Variants in MTUS2 observed in about 807,000 individuals in gnomAD.
The protein encoded by MTUS2 is microtubule-associated tumor suppressor candidate 2.
Under a neutral mutation model 114.1 loss-of-function variants are expected in MTUS2, and 40 were observed. The observed-to-expected ratio is 0.35, with a 90% CI of 0.27 to 0.46. MTUS2 has a LOEUF of 0.46. Ranked by LOEUF, MTUS2 falls within the 20% of genes least tolerant of loss-of-function variation. The probability of loss-of-function intolerance (pLI) is 1.00; values close to 1 mark genes in which losing one functional copy is unlikely to be tolerated. For missense variants in MTUS2, 1,679 were observed against 1,705.4 expected (o/e 0.98, Z 0.27); for synonymous variants, 688 against 672.0 (o/e 1.02, Z -0.37).
intron 2 of MTUS2, among the ~76,000 whole-genome samples, chr13:28,859,674 A>T (rs1277778365): frequency 6.6e-6 from 1 of 152,228 alleles, no homozygotes; most frequent in Non-Finnish European, 1.5e-5. Flanking sequence ...TAACTTATGC[A>T]GGATGATGGG....
chr13:28,998,424 T>C (rs945206863), intron 2 of MTUS2, among the ~76,000 whole-genome samples: 9 of 152,324 alleles, frequency 5.9e-5, no homozygotes, highest in Middle Eastern at 3.4e-3. Context: ...TTTCCCGAAT[T>C]TGAATATTGG....
intron 2 of MTUS2, among the ~76,000 whole-genome samples, chr13:28,929,503 A>G (rs2138083125): frequency 6.6e-6 from 1 of 152,296 alleles, no homozygotes; most frequent in Non-Finnish European, 1.5e-5. Flanking sequence ...AAGGCCTGAA[A>G]CTTGATATTT....
At chr13:29,331,763 C>A (rs1367301918) in intron 7 of MTUS2, among the ~76,000 whole-genome samples, 4 of 152,102 alleles carry the variant, frequency 2.6e-5, no homozygotes, top group African/African-American at 9.7e-5. Flanking sequence ...GAGTTTTTAG[C>A]ATGAAGCACT....
chr13:29,137,175 A>C (rs1892014353), intron 5 of MTUS2, among the ~76,000 whole-genome samples: 1 of 152,082 alleles, frequency 6.6e-6, no homozygotes, highest in South Asian at 2.1e-4. Flanking sequence ...GACTATATCA[A>C]CCCACTGCCT....
intron 5 of MTUS2, among the ~76,000 whole-genome samples, chr13:29,196,875 C>T (rs1241915989): frequency 1.3e-5 from 2 of 152,178 alleles, no homozygotes; most frequent in African/African-American, 4.8e-5. Flanking sequence ...GTTGCTTTCA[C>T]ATCTTGGCTA....
rs998231682 is a variant in MTUS2, at chr13:29,480,418, G to A, written c.3399+54G>A. ...CTGTTGGGTGATGCAGGTGGCGGGC[G>A]GCGGGGATCCAGTGCCACATTAGCA... On this transcript the variant is annotated intron_variant, in intron 10 of 15. Coordinates refer to ENST00000612955, the MANE Select transcript of MTUS2 (RefSeq NM_001033602.4). The surrounding 1 kb of genome is among the most constrained non-coding windows in gnomAD (Gnocchi z 4.4). 43 of 1,459,090 alleles carry A rather than the reference G, an allele frequency of 2.9e-5. No homozygotes were observed. The Admixed American group carries it at 5.0e-4, about 17-fold the overall frequency. The allele number at this position is 1,459,090 out of a possible 1,614,324, so 90.4% of individuals were successfully genotyped here.
intron 4 of MTUS2, among the ~76,000 whole-genome samples, chr13:29,047,014 C>T (rs1169796100): frequency 1.3e-5 from 2 of 152,198 alleles, no homozygotes; most frequent in Admixed American, 6.5e-5. Context: ...GGCTCTCGTG[C>T]CCCCTTGTTC....
chr13:29,454,355 C>T (rs1050429432), intron 9 of MTUS2, among the ~76,000 whole-genome samples: 2 of 152,262 alleles, frequency 1.3e-5, no homozygotes, highest in South Asian at 4.2e-4. Flanking sequence ...TAAGTGCAGG[C>T]GCTTACCTTA....
At chr13:29,250,348 C>CT (rs1897079568) in intron 5 of MTUS2, 2 of 151,984 alleles carry the variant, frequency 1.3e-5, no homozygotes, top group Non-Finnish European at 2.9e-5. Flanking sequence ...TATCAGCATG[C>CT]CATCTTAATG....
chr13:28,852,905 A>ATACATACG (rs1256108040), intron 2 of MTUS2, among the ~76,000 whole-genome samples: 2 of 148,522 alleles, frequency 1.3e-5, no homozygotes, highest in African/African-American at 5.0e-5. Flanking sequence ...TCTTAAATAC[A>ATACATACG]TACATACATA....
intron 7 of MTUS2, among the ~76,000 whole-genome samples, chr13:29,340,318 T>C (rs149722286): frequency 2.8e-4 from 43 of 152,348 alleles, no homozygotes; most frequent in African/African-American, 9.6e-4. Flanking sequence ...ATAGAATTTC[T>C]GCCAGGTCCT....
At chr13:29,391,130 C>T (rs1873426971) in intron 8 of MTUS2, among the ~76,000 whole-genome samples, 1 of 152,000 alleles carries the variant, frequency 6.6e-6, no homozygotes, top group Non-Finnish European at 1.5e-5. Context: ...CACTCTGTCA[C>T]CCAGGCCAGA....
chr13:29,127,882 A>T (rs1388126736), intron 5 of MTUS2, among the ~76,000 whole-genome samples: 1 of 152,162 alleles, frequency 6.6e-6, no homozygotes, highest in East Asian at 1.9e-4. Flanking sequence ...TATTCAACAG[A>T]TGTTTATTGA....
intron 9 of MTUS2, among the ~76,000 whole-genome samples, chr13:29,460,450 G>C (rs1317356292): frequency 6.6e-6 from 1 of 151,418 alleles, no homozygotes; most frequent in African/African-American, 2.4e-5. Flanking sequence ...TTGTTTTTCA[G>C]CTCTCTCCTC....
At chr13:29,238,693 A>C (rs1896624032) in intron 5 of MTUS2, among the ~76,000 whole-genome samples, 1 of 152,142 alleles carries the variant, frequency 6.6e-6, no homozygotes, top group Non-Finnish European at 1.5e-5. Context: ...TGCCTCTCCT[A>C]GTCCACTGAT....
At chr13:28,860,346 AAG>A (rs1234289569) in intron 2 of MTUS2, among the ~76,000 whole-genome samples, 1 of 152,062 alleles carries the variant, frequency 6.6e-6, no homozygotes, top group African/African-American at 2.4e-5. Context: ...TCTTCCCCCT[AAG>A]AGGTTAGTAT....
At chr13:29,131,451 CCAACAGA>C (rs1891759022) in intron 5 of MTUS2, among the ~76,000 whole-genome samples, 1 of 152,260 alleles carries the variant, frequency 6.6e-6, no homozygotes, top group Non-Finnish European at 1.5e-5. Context: ...GCCAGTGCTG[CCAACAGA>C]TCCCAGACAG....
chr13:29,456,109 T>C (rs73444083), intron 9 of MTUS2, among the ~76,000 whole-genome samples: 2,817 of 152,290 alleles, frequency 0.018, 74 homozygotes, highest in African/African-American at 0.063. Context: ...CTTCTAGAAA[T>C]AGAGGAATGT....
chr13:29,080,404 A>G (rs575266979), intron 4 of MTUS2, among the ~76,000 whole-genome samples: 1 of 152,290 alleles, frequency 6.6e-6, no homozygotes, highest in African/African-American at 2.4e-5. Flanking sequence ...GACAGAACTA[A>G]TAGGATAGAT....
Sources: gnomAD v4.1 joint callset for allele counts (sites outside exome capture counted in the v4.1 genomes callset) on GRCh38, gnomAD v4.1.1 for gene constraint, Gnocchi (gnomAD v3.1) non-coding constraint, MANE v1.5 for transcripts, NCBI Gene and HGNC (gene_info 2026-07-23, HGNC 2026-07-21) for gene names.